The following PPP2R1A variants were observed in gnomAD, a reference collection of about 807,000 sequenced individuals.
The protein encoded by PPP2R1A is serine/threonine-protein phosphatase 2A 65 kDa regulatory subunit A alpha isoform.
Under a neutral mutation model 67.1 loss-of-function variants are expected in PPP2R1A, and 15 were observed. The ratio of observed to expected loss-of-function variants is 0.22; its 90% CI spans 0.15 to 0.34. The LOEUF (loss-of-function observed/expected upper bound fraction) is 0.34. PPP2R1A is among the 10% of genes least tolerant of loss of function. The pLI is 1.00. For synonymous variants in PPP2R1A, 337 were observed against 325.0 expected (o/e 1.04, Z -0.40); for missense variants, 369 against 775.0 (o/e 0.48, Z 6.22).
In PPP2R1A at chr19:52,213,983, C is replaced by A. The variant is rs1057413919; in HGVS notation, c.807+873C>A. Among the ~76,000 whole-genome samples, 11 of 152,174 alleles carry A rather than the reference C, an allele frequency of 7.2e-5. No individual in the cohort carries two copies. Among genetic ancestry groups the A allele is most frequent in the Admixed American group, 6.5e-4 (10 of 15,284 alleles). ...CATTCCTGGCCTTCATGGAGCTAGG[C>A]AGTCTGAAGGGGAAGACTGACTTAG... is the stretch of plus-strand genomic sequence containing the variant. On this transcript the variant is annotated intron_variant, in intron 6 of 14. Coordinates refer to ENST00000322088, the MANE Select transcript of PPP2R1A (RefSeq NM_014225.6). The surrounding 1 kb of genome is among the most constrained non-coding windows in gnomAD (Gnocchi z 4.2).
Position 52,212,620 on chromosome 19 carries a change from G to C in PPP2R1A, c.504-66G>C, listed in dbSNP as rs906037597. On this transcript the variant is annotated intron_variant, in intron 4 of 14. Transcript: ENST00000322088. The surrounding 1 kb of genome is among the most constrained non-coding windows in gnomAD (Gnocchi z 4.1). ...TAAAACCTGGACCCACACAACTGCA[G>C]AGTCTGTGCTTGCTCCTCTCTGCCA... 7.0e-6 allele frequency: 11 copies of C among 1,575,322 alleles called. No individual in the cohort carries two copies. The highest frequency in any genetic ancestry group is 8.6e-6 in the Non-Finnish European group (10 of 1,162,974).
rs112566126 is a variant in PPP2R1A at position 52,216,709 on chromosome 19, C to T, written c.1128+46C>T. 2,887 of 1,613,212 alleles carry T rather than the reference C, an allele frequency of 1.8e-3. 25 individuals carry two copies. In the African/African-American group the frequency reaches 0.024, roughly 13 times the overall value. ...GCTCTGGGTTTGTGGAGGGGACAGG[C>T]GGGTCTTCCTAGATTGCTAGGGTTT... On this transcript the variant is annotated intron_variant, in intron 9 of 14. Coordinates refer to ENST00000322088, the MANE Select transcript of PPP2R1A (RefSeq NM_014225.6). This position sits in a 1 kb window ranked among gnomAD's most constrained non-coding sequence, Gnocchi z 4.3.
rs1979423616 is a variant in PPP2R1A at position 52,229,118 on chromosome 19, T to C, written c.*3137T>C. ...GCTGGAGGGAAGGAGGCCAGGTTCA[T>C]CTACCCAAGCTGGTGGCATGAGGCA... is the stretch of plus-strand genomic sequence containing the variant. On this transcript the variant is annotated 3_prime_UTR_variant, in exon 15 of 15. Transcript: ENST00000322088. 6.6e-6 allele frequency: 1 copy of C among 151,626 alleles called. No individual in the cohort carries two copies. Among genetic ancestry groups the C allele is most frequent in the Admixed American group, 6.6e-5 (1 of 15,204 alleles). The allele number at this position is 151,626 out of a possible 1,614,324, so 9.4% of individuals were successfully genotyped here.
At chr19:52,195,522 G>C (rs926232376) in intron 1 of PPP2R1A, among the ~76,000 whole-genome samples, 1 of 152,114 alleles carries the variant, frequency 6.6e-6, no homozygotes, top group African/African-American at 2.4e-5. Context: ...AACAGGTTGA[G>C]GGCTCAGGCC....
At chr19:52,197,708 CAG>C (rs1362736928) in intron 1 of PPP2R1A, among the ~76,000 whole-genome samples, 2 of 152,090 alleles carry the variant, frequency 1.3e-5, no homozygotes, top group Admixed American at 6.6e-5. Flanking sequence ...AAAGAAAAAA[CAG>C]AGCAAATATG....
intron 1 of PPP2R1A, among the ~76,000 whole-genome samples, chr19:52,199,753 G>A (rs1433432190): frequency 6.6e-6 from 1 of 152,218 alleles, no homozygotes; most frequent in African/African-American, 2.4e-5. Flanking sequence ...ATAGTGCAGT[G>A]AGCACCTCTA....
At chr19:52,209,407 A>G (rs1373554468) in intron 3 of PPP2R1A, among the ~76,000 whole-genome samples, 1 of 152,198 alleles carries the variant, frequency 6.6e-6, no homozygotes. Context: ...AGGACCTGTG[A>G]CAGTGACATT....
intron 9 of PPP2R1A, among the ~76,000 whole-genome samples, chr19:52,218,436 T>C (rs901654825): frequency 6.6e-6 from 1 of 151,868 alleles, no homozygotes; most frequent in Non-Finnish European, 1.5e-5. Flanking sequence ...TTTAATATTT[T>C]TTTGTTCTTT....
chr19:52,207,445 C>G (rs1288868988), intron 3 of PPP2R1A, among the ~76,000 whole-genome samples: 1 of 152,148 alleles, frequency 6.6e-6, no homozygotes. Context: ...GGGCTGGGAC[C>G]CAGGGATCCT....
chr19:52,197,614 A>G (rs1184573001), intron 1 of PPP2R1A, among the ~76,000 whole-genome samples: 3 of 152,140 alleles, frequency 2.0e-5, no homozygotes. Context: ...GGTCAAGGCT[A>G]CAGTGAGCTA....
intron 1 of PPP2R1A, 78 bp downstream of exon 1, chr19:52,190,252 A>AGCGTTCGCTGGGAGTG: frequency 6.7e-7 from 1 of 1,482,158 alleles, no homozygotes; most frequent in Non-Finnish European, 9.2e-7. Context: ...GAGAAGACTC[A>AGCGTTCGCTGGGAGTG]GCGTTCGCTG....
intron 2 of PPP2R1A, among the ~76,000 whole-genome samples, chr19:52,205,317 C>T (rs993839727): frequency 3.9e-5 from 6 of 152,136 alleles, no homozygotes; most frequent in Non-Finnish European, 5.9e-5. Flanking sequence ...TTCACATATT[C>T]ATTCTTTCAG....
At chr19:52,225,895 G>A (rs1056953286) in intron 14 of PPP2R1A, 70 bp from the exon 15 acceptor site, 1 of 1,613,424 alleles carries the variant, frequency 6.2e-7, no homozygotes, top group African/African-American at 1.3e-5. Context: ...TCTGGGAGGG[G>A]GAGGTACCTT....
chr19:52,195,659 GCTCTCAGAA>G (rs1054790409), intron 1 of PPP2R1A, among the ~76,000 whole-genome samples: 20 of 152,212 alleles, frequency 1.3e-4, no homozygotes, highest in African/African-American at 4.8e-4. Flanking sequence ...TGCTAGAGCA[GCTCTCAGAA>G]CTCAGGGAAA....
Position 52,198,130 on chromosome 19 carries a change from A to G in PPP2R1A, c.79-3814A>G, listed in dbSNP as rs564101469. ...TCAAGACAACCCTCTGAGGGTAGGT[A>G]TTCTCATCATCCCCACTTCACAGAT... is the stretch of plus-strand genomic sequence containing the variant. On this transcript the variant is annotated intron_variant, in intron 1 of 14. Coordinates refer to ENST00000322088, the MANE Select transcript of PPP2R1A (RefSeq NM_014225.6). 2.0e-5 allele frequency among the ~76,000 whole-genome samples: 3 copies of G among 152,240 alleles called. No homozygotes were observed. The East Asian group carries it at 5.8e-4, about 29-fold the overall frequency.
In PPP2R1A at chr19:52,216,582, C is replaced by A; in HGVS notation, c.1047C>A (p.Ile349=). ...TCAAGTCTGCCCTGGCCTCAGTCAT[C>A]ATGGGTCTCTCTCCCATCTTGGGCA... ...QHVKSALASV[I]MGLSPILGKD... is the part of the protein sequence containing the mutation. The change falls in exon 9 of 15, where the codon ATC becomes ATA. Residue 349 remains isoleucine, a synonymous_variant. Transcript: ENST00000322088. This position sits in a 1 kb window ranked among gnomAD's most constrained non-coding sequence, Gnocchi z 4.3. 3.7e-6 allele frequency: 6 copies of A among 1,614,152 alleles called. No individual in the cohort carries two copies. Among genetic ancestry groups the A allele is most frequent in the Non-Finnish European group, 5.1e-6 (6 of 1,180,026 alleles).
At chr19:52,200,946 A>ACATAACTTT (rs2089541558) in intron 1 of PPP2R1A, 3 of 148,362 alleles carry the variant, frequency 2.0e-5, no homozygotes, top group African/African-American at 7.6e-5. Flanking sequence ...ACGTCACTGG[A>ACATAACTTT]TTCAAGGCTA....
At chr19:52,208,897 C>A (rs560166457) in intron 3 of PPP2R1A, among the ~76,000 whole-genome samples, 1 of 152,346 alleles carries the variant, frequency 6.6e-6, no homozygotes, top group African/African-American at 2.4e-5. Flanking sequence ...AGGCGGTTCA[C>A]ACTCTTCCCT....
intron 1 of PPP2R1A, among the ~76,000 whole-genome samples, chr19:52,198,915 G>C (rs1392494214): frequency 6.6e-6 from 1 of 152,174 alleles, no homozygotes; most frequent in East Asian, 1.9e-4. Flanking sequence ...TTGCTGCCAA[G>C]CACGTAGCAA....
Sources: allele counts gnomAD v4.1 joint callset (sites outside exome capture counted in the v4.1 genomes callset), GRCh38; gene constraint gnomAD v4.1.1; non-coding constraint Gnocchi (gnomAD v3.1); transcripts MANE v1.5; gene names NCBI Gene and HGNC (gene_info 2026-07-23, HGNC 2026-07-21).